The following ZNRF3 variants were observed in gnomAD, a reference collection of about 807,000 sequenced individuals.
The protein encoded by ZNRF3 is E3 ubiquitin-protein ligase ZNRF3.
ZNRF3 carries 23 observed loss-of-function variants against 72.5 expected under a neutral mutation model. The observed-to-expected ratio is 0.32, with a 90% confidence interval of 0.23 to 0.45. The LOEUF (loss-of-function observed/expected upper bound fraction) is 0.45, where lower values mean the gene tolerates loss of function less well. ZNRF3 is among the 20% of genes least tolerant of loss of function. ZNRF3 has a pLI of 1.00. For missense variants in ZNRF3, 1,169 were observed against 1,272.1 expected (o/e 0.92, Z 1.23); for synonymous variants, 610 against 545.3 (o/e 1.12, Z -1.65).
intron 2 of ZNRF3, among the ~76,000 whole-genome samples, chr22:29,039,460 A>C (rs1483419091): frequency 6.6e-6 from 1 of 152,144 alleles, no homozygotes; most frequent in Non-Finnish European, 1.5e-5. Flanking sequence ...AAAGCCAAAT[A>C]AAGGAATGAG....
At chr22:28,919,611 C>A (rs2123767404) in intron 1 of ZNRF3, among the ~76,000 whole-genome samples, 1 of 151,162 alleles carries the variant, frequency 6.6e-6, no homozygotes, top group East Asian at 1.9e-4. Context: ...GCGATCTTGG[C>A]TCACTGCACC....
intron 1 of ZNRF3, among the ~76,000 whole-genome samples, chr22:28,898,926 GTTTT>G (rs34713478): frequency 0.016 from 1,843 of 114,098 alleles, 49 homozygotes; most frequent in African/African-American, 0.055. Context: ...ACATGCTGAG[GTTTT>G]TTTTTTTTTT....
At chr22:28,927,719 A>G (rs2034629947) in intron 1 of ZNRF3, among the ~76,000 whole-genome samples, 2 of 152,212 alleles carry the variant, frequency 1.3e-5, no homozygotes, top group Non-Finnish European at 2.9e-5. Context: ...CACAGAATAG[A>G]TAAGCTCTTT....
intron 1 of ZNRF3, among the ~76,000 whole-genome samples, chr22:28,915,857 C>T (rs1019861663): frequency 6.6e-6 from 1 of 152,202 alleles, no homozygotes; most frequent in Non-Finnish European, 1.5e-5. Context: ...GCACCGCCCC[C>T]ATATCCCACC....
chr22:29,021,537 G>C (rs1052798052), intron 2 of ZNRF3, among the ~76,000 whole-genome samples: 5 of 151,322 alleles, frequency 3.3e-5, no homozygotes, highest in African/African-American at 1.2e-4. Context: ...CCCCAGGCTG[G>C]AGTGCAGTGG....
intron 1 of ZNRF3, among the ~76,000 whole-genome samples, chr22:28,899,697 T>A (rs1467033875): frequency 1.3e-5 from 2 of 150,344 alleles, no homozygotes; most frequent in Non-Finnish European, 3.0e-5. Flanking sequence ...TTCTTTCTTT[T>A]TTTTTTTTTT....
At position 28,959,937 on chromosome 22, in the gene ZNRF3, TC is replaced by T. The variant is rs2035326924; in HGVS notation, c.301-27136del. Among the ~76,000 whole-genome samples, 6 of 152,310 alleles carry T rather than the reference TC, an allele frequency of 3.9e-5. No homozygotes were observed. The East Asian group carries it at 9.6e-4, about 24-fold the overall frequency. On this transcript the variant is annotated intron_variant, in intron 1 of 8. Transcript: ENST00000544604. ...CTCAGTGGCACCTTGATCTTGGACT[TC>T]CCAGCTCCAGAACTGTGAGAAAATA... is the stretch of plus-strand genomic sequence containing the variant.
Position 29,044,772 on chromosome 22 carries a change from C to T in ZNRF3, c.634-8C>T, listed in dbSNP as rs761578995. On this transcript the variant is annotated splice_polypyrimidine_tract_variant and splice_region_variant and intron_variant, in intron 4 of 8. Transcript: ENST00000544604. ...GCTGTGACTCACTGTGTCTGTGTTCCGTTCCAGCAACCCACTGAATACTTT... is the reference window on the plus strand; with the variant it reads ...GCTGTGACTCACTGTGTCTGTGTTCTGTTCCAGCAACCCACTGAATACTTT... The T allele has an allele frequency of 6.2e-6, 10 of 1,605,862 alleles. No individual in the cohort carries two copies. The highest frequency in any genetic ancestry group is 2.2e-5 in the East Asian group (1 of 44,864).
At position 29,050,754 on chromosome 22, in the gene ZNRF3, C is replaced by T. The variant is rs2037188909; in HGVS notation, c.2573C>T (p.Thr858Met). ...CACAGCCTCGGCTCCTGGGGTGGGA[C>T]GCGAGGCCCGGATACCCCACGGCCC... is the stretch of plus-strand genomic sequence containing the variant. ...GTHSLGSWGG[T>M]RGPDTPRPHR... is the part of the protein sequence containing the mutation. The change falls in exon 8 of 9, where the codon ACG (threonine) becomes ATG (methionine). Residue 858 changes from threonine to methionine, a missense_variant. Transcript: ENST00000544604. The T allele has an allele frequency of 1.2e-6, 2 of 1,607,736 alleles. No homozygotes were observed. Among genetic ancestry groups the T allele is most frequent in the South Asian group, 1.1e-5 (1 of 90,330 alleles).
At chr22:28,969,443 A>C (rs2035531770) in intron 1 of ZNRF3, among the ~76,000 whole-genome samples, 1 of 152,146 alleles carries the variant, frequency 6.6e-6, no homozygotes, top group Non-Finnish European at 1.5e-5. Flanking sequence ...GCAGAAGGTG[A>C]TATGTAAAGG....
intron 2 of ZNRF3, among the ~76,000 whole-genome samples, chr22:29,034,999 C>CT (rs10607848): frequency 0.018 from 2,362 of 131,156 alleles, 37 homozygotes; most frequent in African/African-American, 0.041. Context: ...TTTGTTAGAC[C>CT]TTTTTTTTTT....
chr22:28,987,415 C>T (rs554502902), intron 2 of ZNRF3, among the ~76,000 whole-genome samples: 5 of 152,350 alleles, frequency 3.3e-5, no homozygotes, highest in African/African-American at 9.6e-5. Context: ...AGTCTCAGAG[C>T]GGGCTCTACC....
chr22:28,981,888 T>G (rs1444122256), intron 1 of ZNRF3, among the ~76,000 whole-genome samples: 1 of 151,962 alleles, frequency 6.6e-6, no homozygotes, highest in Non-Finnish European at 1.5e-5. Context: ...TCCCAGCTAC[T>G]CAAGAGGCTG....
intron 2 of ZNRF3, among the ~76,000 whole-genome samples, chr22:28,990,882 G>A (rs1468702356): frequency 6.6e-6 from 1 of 152,044 alleles, no homozygotes; most frequent in Non-Finnish European, 1.5e-5. Flanking sequence ...GAGAGGTGCT[G>A]GCGTTTCTAG....
intron 1 of ZNRF3, among the ~76,000 whole-genome samples, chr22:28,897,988 G>GT (rs1276568367): frequency 2.0e-5 from 3 of 152,092 alleles, no homozygotes; most frequent in African/African-American, 7.2e-5. Context: ...TGTCACCCAG[G>GT]TTGGAGTGCA....
chr22:28,935,775 T>G (rs1004072190), intron 1 of ZNRF3, among the ~76,000 whole-genome samples: 1 of 152,160 alleles, frequency 6.6e-6, no homozygotes, highest in African/African-American at 2.4e-5. Flanking sequence ...AAATCTGATG[T>G]AGGATCACTT....
intron 1 of ZNRF3, among the ~76,000 whole-genome samples, chr22:28,946,704 A>G (rs1306968307): frequency 6.6e-6 from 1 of 152,210 alleles, no homozygotes; most frequent in Non-Finnish European, 1.5e-5. Context: ...TGGTTCTATG[A>G]ACAGTTTGTC....
chr22:29,029,206 A>G (rs1481660592), intron 2 of ZNRF3, among the ~76,000 whole-genome samples: 1 of 152,230 alleles, frequency 6.6e-6, no homozygotes, highest in Non-Finnish European at 1.5e-5. Context: ...CCTATGTTTC[A>G]AGTTCTTATG....
chr22:28,893,660 G>C (rs945901855), intron 1 of ZNRF3, among the ~76,000 whole-genome samples: 1 of 152,026 alleles, frequency 6.6e-6, no homozygotes, highest in African/African-American at 2.4e-5. Context: ...ACCACATCCA[G>C]CTAATGTTTG....
Sources: gnomAD v4.1 joint callset for allele counts (sites outside exome capture counted in the v4.1 genomes callset) on GRCh38, gnomAD v4.1.1 for gene constraint, MANE v1.5 for transcripts, NCBI Gene and HGNC (gene_info 2026-07-23, HGNC 2026-07-21) for gene names.